Variants in GRM5 observed in about 807,000 individuals in gnomAD.
GRM5 encodes the protein metabotropic glutamate receptor 5.
Under a neutral mutation model 83.1 loss-of-function variants are expected in GRM5, and 19 were observed. The observed-to-expected ratio is 0.23, with a 90% CI of 0.16 to 0.34. The LOEUF is 0.34. Among genes scored for constraint, GRM5 ranks in the 10% least tolerant of loss-of-function variants. GRM5 has a pLI of 1.00. For synonymous variants in GRM5, 675 were observed against 633.6 expected (o/e 1.07, Z -0.98); for missense variants, 1,160 against 1,588.3 (o/e 0.73, Z 4.58).
At chr11:88,935,206 C>G (rs1432593202) in intron 2 of GRM5, among the ~76,000 whole-genome samples, 1 of 151,860 alleles carries the variant, frequency 6.6e-6, no homozygotes, top group Non-Finnish European at 1.5e-5. Flanking sequence ...TCCACAACCC[C>G]ATGTTCTCTT....
chr11:88,728,539 C>T (rs1941734265), intron 3 of GRM5, among the ~76,000 whole-genome samples: 1 of 152,148 alleles, frequency 6.6e-6, no homozygotes, highest in Admixed American at 6.5e-5. Context: ...CCAGCATCAT[C>T]CTGATACCAA....
At chr11:88,976,870 T>A (rs1410858177) in intron 2 of GRM5, among the ~76,000 whole-genome samples, 1 of 146,348 alleles carries the variant, frequency 6.8e-6, no homozygotes, top group East Asian at 2.0e-4. Context: ...AAAAAAAAAA[T>A]ACTTAGATAT....
At chr11:88,551,414 T>A (rs146509749) in intron 8 of GRM5, among the ~76,000 whole-genome samples, 16 of 152,268 alleles carry the variant, frequency 1.1e-4, no homozygotes, top group African/African-American at 3.9e-4. Context: ...CCTCAACCTC[T>A]TCATACTTGC....
chr11:88,655,537 A>T (rs1939744663), intron 3 of GRM5, among the ~76,000 whole-genome samples: 1 of 152,168 alleles, frequency 6.6e-6, no homozygotes, highest in South Asian at 2.1e-4. Flanking sequence ...TACCCTTCAC[A>T]GTTCATTCAT....
At chr11:88,762,862 C>A (rs1942554161) in intron 3 of GRM5, among the ~76,000 whole-genome samples, 1 of 151,950 alleles carries the variant, frequency 6.6e-6, no homozygotes. Context: ...GAGGTCATGT[C>A]TTTTGCACGA....
chr11:88,592,020 G>A (rs1335663795), intron 6 of GRM5, among the ~76,000 whole-genome samples: 1 of 152,154 alleles, frequency 6.6e-6, no homozygotes, highest in East Asian at 1.9e-4. Flanking sequence ...GGTAAATAAG[G>A]GATCAAACAA....
At chr11:88,775,241 G>T (rs568354982) in intron 3 of GRM5, among the ~76,000 whole-genome samples, 2 of 152,276 alleles carry the variant, frequency 1.3e-5, no homozygotes, top group South Asian at 4.1e-4. Context: ...GGGGTTTATA[G>T]TATTCTCTGA....
chr11:88,847,248 T>C (rs1304994840), intron 3 of GRM5, among the ~76,000 whole-genome samples: 5 of 152,240 alleles, frequency 3.3e-5, no homozygotes, highest in Admixed American at 2.6e-4. Flanking sequence ...ATAACACTTA[T>C]ATGACCTTCT....
intron 2 of GRM5, among the ~76,000 whole-genome samples, chr11:88,985,334 A>C (rs186079781): frequency 2.6e-4 from 39 of 152,246 alleles, no homozygotes; most frequent in African/African-American, 9.4e-4. Context: ...TTTAGTCACA[A>C]TTAAGAGAAT....
rs182058173 is a variant in GRM5 at position 88,905,451 on chromosome 11, C to T, written c.662-55296G>A. On this transcript the variant is annotated intron_variant, in intron 2 of 9. Transcript: ENST00000305447. ...CTCTGCCTCCCGGGTTCAAGTGATTCTCGTGTCAGCCTCCCGAGTAGCTGG... is the reference window on the plus strand; with the variant it reads ...CTCTGCCTCCCGGGTTCAAGTGATTTTCGTGTCAGCCTCCCGAGTAGCTGG... Among the ~76,000 whole-genome samples the T allele has an allele frequency of 2.2e-3, 331 of 152,212 alleles. 1 individual carries two copies. The highest frequency in any genetic ancestry group is 6.8e-3 in the Middle Eastern group (2 of 294).
chr11:88,902,004 A>G (rs1353347009), intron 2 of GRM5, among the ~76,000 whole-genome samples: 1 of 152,080 alleles, frequency 6.6e-6, no homozygotes. Context: ...ATCCTTTTCT[A>G]CATTTCTTAG....
intron 8 of GRM5, among the ~76,000 whole-genome samples, chr11:88,545,749 T>C (rs1461647281): frequency 2.0e-5 from 3 of 152,110 alleles, no homozygotes; most frequent in Non-Finnish European, 4.4e-5. Context: ...ACATCTGATT[T>C]CCCTCTTCTC....
chr11:89,040,253 T>A (rs1941498386), intron 2 of GRM5, among the ~76,000 whole-genome samples: 1 of 152,208 alleles, frequency 6.6e-6, no homozygotes, highest in Non-Finnish European at 1.5e-5. Context: ...TTAACTTATT[T>A]TTCCAACTCC....
intron 3 of GRM5, among the ~76,000 whole-genome samples, chr11:88,714,569 A>G (rs1165660471): frequency 6.6e-6 from 1 of 151,964 alleles, no homozygotes; most frequent in Non-Finnish European, 1.5e-5. Flanking sequence ...CCAAATCCCT[A>G]TAATCTCTTC....
At chr11:89,054,950 A>G (rs1171906920) in intron 1 of GRM5, among the ~76,000 whole-genome samples, 3 of 152,214 alleles carry the variant, frequency 2.0e-5, no homozygotes, top group East Asian at 3.8e-4. Flanking sequence ...GTAATACAAC[A>G]TATTTGCTAA....
At chr11:88,688,700 C>T (rs983024454) in intron 3 of GRM5, among the ~76,000 whole-genome samples, 2 of 152,080 alleles carry the variant, frequency 1.3e-5, no homozygotes, top group African/African-American at 4.8e-5. Flanking sequence ...TTGTCAAAGA[C>T]ATCAAAGATG....
chr11:88,982,225 A>G (rs555962644), intron 2 of GRM5, among the ~76,000 whole-genome samples: 5 of 152,238 alleles, frequency 3.3e-5, no homozygotes, highest in Non-Finnish European at 7.4e-5. Flanking sequence ...AATAGAAAGA[A>G]TTAAAAACAT....
rs748471366 is a variant in GRM5 at position 88,508,543 on chromosome 11, C to CGG, written c.*47_*48dup. 39 of 1,486,846 alleles carry CGG rather than the reference C, an allele frequency of 2.6e-5. No individual in the cohort carries two copies. Among genetic ancestry groups the CGG allele is most frequent in the Admixed American group, 6.9e-5 (4 of 57,556 alleles). The allele number at this position is 1,486,846 out of a possible 1,614,324, so 92.1% of individuals were successfully genotyped here. A position where few individuals can be genotyped will look rare whatever the true frequency, so the allele number is the denominator to read the frequency against. On this transcript the variant is annotated 3_prime_UTR_variant, in exon 10 of 10. Coordinates refer to ENST00000305447, the MANE Select transcript of GRM5 (RefSeq NM_001143831.3). This position sits in a 1 kb window ranked among gnomAD's most constrained non-coding sequence, Gnocchi z 4.2. ...GCTTGCCATTGTGTGTGTGTGAACACGGGGGGCTCCGCTCCGCACGCGCAG... is the reference window on the plus strand; with the variant it reads ...GCTTGCCATTGTGTGTGTGTGAACACGGGGGGGGCTCCGCTCCGCACGCGCAG...
At chr11:88,724,187 C>T (rs933203368) in intron 3 of GRM5, among the ~76,000 whole-genome samples, 14 of 152,208 alleles carry the variant, frequency 9.2e-5, no homozygotes, top group African/African-American at 2.9e-4. Context: ...TCTCATTCCA[C>T]ATGAGTGTTG....
Sources: gnomAD v4.1 joint callset for allele counts (sites outside exome capture counted in the v4.1 genomes callset) on GRCh38, gnomAD v4.1.1 for gene constraint, Gnocchi (gnomAD v3.1) non-coding constraint, MANE v1.5 for transcripts, NCBI Gene and HGNC (gene_info 2026-07-23, HGNC 2026-07-21) for gene names.